The following ZNF330 variants were observed in gnomAD, a reference collection of about 807,000 sequenced individuals.
ZNF330 encodes zinc finger protein 330.
Under a neutral mutation model 45.5 loss-of-function variants are expected in ZNF330, and 31 were observed. The observed-to-expected ratio is 0.68, with a 90% CI of 0.51 to 0.92. The LOEUF is 0.92. Among genes scored for constraint, ZNF330 ranks in the 40% least tolerant of loss-of-function variants. The pLI is 0.00. For synonymous variants in ZNF330, 138 were observed against 123.2 expected, an observed-to-expected ratio of 1.12 and a Z score of -0.79; for missense variants, 356 against 387.4, an observed-to-expected ratio of 0.92 and a Z score of 0.68.
Position 141,226,751 on chromosome 4 carries a change from T to A in ZNF330, c.212-16T>A, listed in dbSNP as rs1395698378. ...TCCTTTGCAAGACTAACAGTGCAAA[T>A]GTTTTTCTTCATTAGGGAAAACAAA... is the stretch of plus-strand genomic sequence containing the variant. On this transcript the variant is annotated splice_polypyrimidine_tract_variant and intron_variant, in intron 4 of 9. Coordinates refer to ENST00000262990, the MANE Select transcript of ZNF330 (RefSeq NM_014487.6). 19 of 1,609,422 alleles carry A rather than the reference T, an allele frequency of 1.2e-5. No individual in the cohort carries two copies. The highest frequency in any genetic ancestry group is 1.6e-5 in the Non-Finnish European group (19 of 1,176,418).
Position 141,222,457 on chromosome 4 carries a change from T to C in ZNF330, c.86T>C (p.Ile29Thr). The C allele has an allele frequency of 3.7e-6, 6 of 1,613,672 alleles. No individual in the cohort carries two copies. The highest frequency in any genetic ancestry group is 5.1e-6 in the Non-Finnish European group (6 of 1,179,774). ...CAACTAAGAGCATCAAGAAGCACTA[T>C]AGATTTAGCTAAACATCCATGTAAT... is the stretch of plus-strand genomic sequence containing the variant. ...EKQLRASRST[I>T]DLAKHPCNAS... is the part of the protein sequence containing the mutation. Residue 29 changes from isoleucine (I) to threonine (T), a missense_variant, in exon 2 of 10, where the codon ATA becomes ACA. Ile to Thr is a moderately conservative substitution (Grantham distance 89). Transcript: ENST00000262990.
chr4:141,222,256 T>C (rs1728697013), intron 1 of ZNF330, 110 bp from the exon 2 acceptor site: 3 of 1,296,328 alleles, frequency 2.3e-6, no homozygotes, highest in Middle Eastern at 5.0e-4. Flanking sequence ...AAGGATAGAG[T>C]TTAACATTTA....
chr4:141,231,073 A>C (rs1264063040), intron 7 of ZNF330, among the ~76,000 whole-genome samples: 1 of 152,086 alleles, frequency 6.6e-6, no homozygotes. Context: ...ATAAATTTAA[A>C]GTAGATAAGT....
At chr4:141,224,465 G>A (rs1656519842) in intron 2 of ZNF330, 22 bp from the exon 3 acceptor site, 1 of 1,598,572 alleles carries the variant, frequency 6.3e-7, no homozygotes, top group Admixed American at 1.7e-5. Flanking sequence ...AAAAATTAAT[G>A]TGATATTTTT....
At chr4:141,229,163 A>G (rs1728884943) in intron 5 of ZNF330, among the ~76,000 whole-genome samples, 1 of 152,156 alleles carries the variant, frequency 6.6e-6, no homozygotes, top group South Asian at 2.1e-4. Context: ...AAAATCAGAA[A>G]TGGTAGTATT....
At chr4:141,232,047 A>G (rs1046862893) in intron 8 of ZNF330, among the ~76,000 whole-genome samples, 11 of 151,954 alleles carry the variant, frequency 7.2e-5, no homozygotes, top group Admixed American at 5.2e-4. Flanking sequence ...GGCTTACCCT[A>G]TTGCCCTCCC....
chr4:141,233,724 T>A lies in ZNF330; in HGVS notation c.698T>A (p.Leu233Gln). ...TKDLSMSTRSLKFGRQTGGEE... is the reference protein window; with the variant it reads ...TKDLSMSTRSQKFGRQTGGEE... Reference sequence around the variant, plus strand: ...TGTCTGTCTTCTATAGCACGCTCCCTGAAATTTGGCAGGCAGACTGGAGGT... The same window carrying A: ...TGTCTGTCTTCTATAGCACGCTCCCAGAAATTTGGCAGGCAGACTGGAGGT... Residue 233 changes from leucine (L) to glutamine (Q), a missense_variant, in exon 10 of 10, where the codon CTG becomes CAG. By Grantham distance (113) the Leu-to-Gln change is moderately radical. Coordinates refer to ENST00000262990, the MANE Select transcript of ZNF330 (RefSeq NM_014487.6). 1 of 1,612,912 alleles carries A rather than the reference T, an allele frequency of 6.2e-7. No homozygotes were observed. The highest frequency in any genetic ancestry group is 8.5e-7 in the Non-Finnish European group (1 of 1,179,376).
rs765997032 is a variant in ZNF330, at chr4:141,230,278, T to A, written c.523+8T>A. 7 of 1,568,302 alleles carry A rather than the reference T, an allele frequency of 4.5e-6. No individual in the cohort carries two copies. Among genetic ancestry groups the A allele is most frequent in the Non-Finnish European group, 6.1e-6 (7 of 1,142,300 alleles). ...AGGCAGAAACATTTAAATGTAAGTT[T>A]TTAAGTATTAGATGTTCTTTATACC... On this transcript the variant is annotated splice_region_variant and intron_variant, in intron 7 of 9. Transcript: ENST00000262990.
rs574706265 is a variant in ZNF330, at chr4:141,231,506, CT to C, written c.570+26del. The C allele has an allele frequency of 8.1e-5, 127 of 1,572,680 alleles. 1 individual carries two copies. In the South Asian group the frequency reaches 1.4e-3, roughly 17 times the overall value. On this transcript the variant is annotated intron_variant, in intron 8 of 9. Transcript: ENST00000262990. Reference sequence around the variant, plus strand: ...GTAAGGTATACCAATGCGTTTTTTTCTTTTTAGATTTTGTTTTTAATCTCTA... The same window carrying C: ...GTAAGGTATACCAATGCGTTTTTTTCTTTTAGATTTTGTTTTTAATCTCTA...
intron 9 of ZNF330, among the ~76,000 whole-genome samples, chr4:141,233,352 A>G (rs996302114): frequency 5.9e-5 from 9 of 152,172 alleles, no homozygotes; most frequent in African/African-American, 2.2e-4. Context: ...GGGCATCTGC[A>G]TTGTAAAATA....
chr4:141,233,365 T>C (rs1445752646), intron 9 of ZNF330, among the ~76,000 whole-genome samples: 1 of 152,138 alleles, frequency 6.6e-6, no homozygotes, highest in Non-Finnish European at 1.5e-5. Flanking sequence ...GTAAAATAGC[T>C]GTCTTAAGAA....
At chr4:141,224,114 C>A in intron 2 of ZNF330, 1 of 293,332 alleles carries the variant, frequency 3.4e-6, no homozygotes, top group South Asian at 4.1e-5. Flanking sequence ...TAAGGGTCAC[C>A]CACTTCATTT....
chr4:141,231,742 G>T (rs1728964639), intron 8 of ZNF330, among the ~76,000 whole-genome samples: 1 of 151,996 alleles, frequency 6.6e-6, no homozygotes, highest in Non-Finnish European at 1.5e-5. Context: ...TTTTAGTGGA[G>T]AACATTCTGA....
At chr4:141,225,346 A>G (rs917887930) in intron 4 of ZNF330, among the ~76,000 whole-genome samples, 4 of 152,068 alleles carry the variant, frequency 2.6e-5, no homozygotes, top group Admixed American at 2.6e-4. Context: ...CTTGAAAAAT[A>G]TATATCGATA....
At position 141,229,658 on chromosome 4, in the gene ZNF330, G is replaced by A; in HGVS notation, c.379G>A (p.Ala127Thr). ...TGCTTGTGCCTGCCCTCTTACCGATGCTGAGTGTGTTGAATGTGAACGAGG... is the reference window on the plus strand; with the variant it reads ...TGCTTGTGCCTGCCCTCTTACCGATACTGAGTGTGTTGAATGTGAACGAGG... Reference protein sequence around the residue: ...THACACPLTDAECVECERGVW... With the variant: ...THACACPLTDTECVECERGVW... The change falls in exon 6 of 10, where the codon GCT becomes ACT. Residue 127 changes from alanine to threonine, a missense_variant. Transcript: ENST00000262990. The A allele has an allele frequency of 6.2e-7, 1 of 1,613,180 alleles. No homozygotes were observed. Among genetic ancestry groups the A allele is most frequent in the Non-Finnish European group, 8.5e-7 (1 of 1,179,314 alleles).
At chr4:141,222,558 C>T (rs1728708035) in intron 2 of ZNF330, 67 bp downstream of exon 2, 3 of 1,513,644 alleles carry the variant, frequency 2.0e-6, no homozygotes, top group Non-Finnish European at 2.7e-6. Flanking sequence ...TGACGTATAC[C>T]TGAATAAAAT....
Position 141,230,299 on chromosome 4 carries a change from A to ATACCCAAGATTC in ZNF330, c.523+31_523+42dup, listed in dbSNP as rs772116789. 4.4e-6 allele frequency: 6 copies of ATACCCAAGATTC among 1,378,172 alleles called. No individual in the cohort carries two copies. The African/African-American group carries it at 7.2e-5, about 17-fold the overall frequency. 85.4% of individuals were successfully genotyped at this position (1,378,172 alleles called of 1,614,324 possible). A position where few individuals can be genotyped will look rare whatever the true frequency, so the allele number is the denominator to read the frequency against. On this transcript the variant is annotated intron_variant, in intron 7 of 9. Transcript: ENST00000262990. ...AGTTTTTAAGTATTAGATGTTCTTT[A>ATACCCAAGATTC]TACCCAAGATTCTGAATAGTATAAT...
intron 2 of ZNF330, among the ~76,000 whole-genome samples, chr4:141,223,388 G>A (rs187505671): frequency 5.8e-4 from 89 of 152,188 alleles, no homozygotes; most frequent in African/African-American, 2.1e-3. Context: ...GGGACAATTG[G>A]AACCTGGAAC....
intron 5 of ZNF330, among the ~76,000 whole-genome samples, chr4:141,227,241 A>T (rs1328039892): frequency 6.6e-6 from 1 of 151,666 alleles, no homozygotes; most frequent in Non-Finnish European, 1.5e-5. Flanking sequence ...TTAACTCGTC[A>T]TTTAGCATTA....
Sources: allele counts gnomAD v4.1 joint callset (sites outside exome capture counted in the v4.1 genomes callset), GRCh38; gene constraint gnomAD v4.1.1; transcripts MANE v1.5; gene names NCBI Gene and HGNC (gene_info 2026-07-23, HGNC 2026-07-21).